The following POC1B variants were observed in gnomAD, a reference collection of about 807,000 sequenced individuals.
POC1B encodes POC1 centriolar protein homolog B.
POC1B carries 44 observed loss-of-function variants against 60.6 expected under a neutral mutation model. That is an observed-to-expected ratio of 0.73 (90% CI 0.57 to 0.93). The LOEUF (loss-of-function observed/expected upper bound fraction) is 0.93. Ranked by LOEUF, POC1B falls within the 40% of genes least tolerant of loss-of-function variation. POC1B has a pLI of 0.00. For missense variants in POC1B, 555 were observed against 572.3 expected (o/e 0.97, Z 0.31); for synonymous variants, 180 against 198.9 (o/e 0.90, Z 0.80).
chr12:89,425,343 C>T lies in POC1B; in HGVS notation c.1150G>A (p.Gly384Ser). 1 of 1,614,068 alleles carries T rather than the reference C, an allele frequency of 6.2e-7. No homozygotes were observed. Among genetic ancestry groups the T allele is most frequent in the Non-Finnish European group, 8.5e-7 (1 of 1,179,994 alleles). ...ETSGRTLPDK[G>S]EEACGYFLNP... ...AAGAAATATCCACAGGCCTCTTCAC[C>T]CTTGTCTGGCAGAGTCCTACCACTG... is the stretch of plus-strand genomic sequence containing the variant. The change falls in exon 11 of 12, where the codon GGT becomes AGT. Residue 384 changes from glycine to serine, a missense_variant. Coordinates refer to ENST00000313546, the MANE Select transcript of POC1B (RefSeq NM_172240.3).
chr12:89,426,039 T>C (rs1221354585), intron 10 of POC1B: 2 of 152,168 alleles, frequency 1.3e-5, no homozygotes, highest in African/African-American at 4.8e-5. Context: ...AAACATACAA[T>C]GAAATATAAT....
chr12:89,465,372 G>A (rs1201139995), intron 9 of POC1B, among the ~76,000 whole-genome samples: 1 of 152,136 alleles, frequency 6.6e-6, no homozygotes, highest in African/African-American at 2.4e-5. Flanking sequence ...GCAGTCTCGG[G>A]ATCAGCCTGC....
At chr12:89,417,471 A>G (rs530888875), downstream of POC1B, among the ~76,000 whole-genome samples, 65 of 152,346 alleles carry the variant, frequency 4.3e-4, no homozygotes, top group African/African-American at 1.4e-3. Context: ...CAGTTTGGCA[A>G]TGTCTGATTC....
At chr12:89,410,005 A>T in the POC1B span, among the ~76,000 whole-genome samples, 1 of 152,192 alleles carries the variant, frequency 6.6e-6, no homozygotes, top group African/African-American at 2.4e-5. Context: ...ACAACAAAAA[A>T]AGAAAATTTC....
At chr12:89,525,448 T>C in intron 1 of POC1B, 1 of 1,359,122 alleles carries the variant, frequency 7.4e-7, no homozygotes, top group Non-Finnish European at 9.4e-7. Context: ...CTTCCCAGAG[T>C]CCAGCGCATC....
chr12:89,469,177 T>C (rs182058955), intron 7 of POC1B, among the ~76,000 whole-genome samples: 48 of 152,204 alleles, frequency 3.2e-4, no homozygotes, highest in Admixed American at 1.5e-3. Context: ...GGAGAATCAC[T>C]TGAACCCAGG....
chr12:89,525,826 A>T, intron 1 of POC1B, 55 bp downstream of exon 1: 3 of 1,398,072 alleles, frequency 2.1e-6, no homozygotes, highest in Middle Eastern at 5.4e-4. Context: ...CTGGCCCCGC[A>T]GCCCGCGGGA....
At chr12:89,452,849 T>G (rs1882109590) in intron 10 of POC1B, among the ~76,000 whole-genome samples, 1 of 152,196 alleles carries the variant, frequency 6.6e-6, no homozygotes, top group South Asian at 2.1e-4. Flanking sequence ...TTTAGTTGTT[T>G]TATTTATTTT....
At chr12:89,402,174 C>T in the POC1B span, among the ~76,000 whole-genome samples, 2 of 152,172 alleles carry the variant, frequency 1.3e-5, no homozygotes, top group Non-Finnish European at 2.9e-5. Flanking sequence ...TCCCTTAAAA[C>T]ATTGCCCCAG....
At chr12:89,471,462 C>A in intron 6 of POC1B, 152 bp downstream of exon 6, 1 of 542,938 alleles carries the variant, frequency 1.8e-6, no homozygotes, top group Non-Finnish European at 3.2e-6. Flanking sequence ...TGAGACCCTG[C>A]TGTTGATGGG....
At chr12:89,493,843 A>T (rs1279278718) in intron 3 of POC1B, among the ~76,000 whole-genome samples, 1 of 152,194 alleles carries the variant, frequency 6.6e-6, no homozygotes, top group Non-Finnish European at 1.5e-5. Context: ...AACAGGAAAC[A>T]CAGAAGAAAC....
At chr12:89,522,119 A>G (rs1334439551) in intron 2 of POC1B, 2 of 398,924 alleles carry the variant, frequency 5.0e-6, no homozygotes, top group Non-Finnish European at 4.4e-6. Context: ...GTATTAATAT[A>G]TACATCAGTG....
rs562299287 is a variant in POC1B at position 89,491,910 on chromosome 12, C to G, written c.452+26G>C. ...TGAAGCAGAAAAAATATGTGGACAT[C>G]TTAATATGAAATTTTTTGCACTTAC... is the stretch of plus-strand genomic sequence containing the variant. On this transcript the variant is annotated intron_variant, in intron 4 of 11. Transcript: ENST00000313546. The G allele has an allele frequency of 1.3e-5, 19 of 1,453,164 alleles. No individual in the cohort carries two copies. In the South Asian group the frequency reaches 2.4e-4, roughly 18 times the overall value. The allele number at this position is 1,453,164 out of a possible 1,614,324, so 90.0% of individuals were successfully genotyped here. A position where few individuals can be genotyped will look rare whatever the true frequency, so the allele number is the denominator to read the frequency against.
At chr12:89,459,921 G>A in intron 9 of POC1B, 1 of 488,494 alleles carries the variant, frequency 2.0e-6, no homozygotes, top group Non-Finnish European at 3.6e-6. Context: ...ATTTTGGTAA[G>A]GTTGAATTCA....
chr12:89,463,658 A>T (rs1383166985), intron 9 of POC1B, among the ~76,000 whole-genome samples: 1 of 152,230 alleles, frequency 6.6e-6, no homozygotes, highest in African/African-American at 2.4e-5. Flanking sequence ...TGCCTAGGCC[A>T]GGAGTACTAC....
intron 3 of POC1B, 141 bp from the exon 4 acceptor site, chr12:89,492,256 G>T: frequency 1.5e-6 from 1 of 659,966 alleles, no homozygotes; most frequent in Non-Finnish European, 2.3e-6. Flanking sequence ...AGTATGAAAG[G>T]GCTATGTTGT....
chr12:89,452,956 G>A (rs941734991), intron 10 of POC1B, among the ~76,000 whole-genome samples: 1 of 152,200 alleles, frequency 6.6e-6, no homozygotes, highest in South Asian at 2.1e-4. Context: ...TACTTCAAAA[G>A]CAAGGATCCA....
At chr12:89,500,612 A>T in intron 2 of POC1B, 2 of 1,595,486 alleles carry the variant, frequency 1.3e-6, no homozygotes, top group East Asian at 2.2e-5. Flanking sequence ...GCAAAATGTT[A>T]TTCCATCTAG....
intron 9 of POC1B, among the ~76,000 whole-genome samples, chr12:89,463,150 C>A (rs1882539564): frequency 6.6e-6 from 1 of 151,800 alleles, no homozygotes; most frequent in South Asian, 2.1e-4. Context: ...GGACATTTTC[C>A]TTCCTGCTAA....
Sources: gnomAD v4.1 joint callset for allele counts (sites outside exome capture counted in the v4.1 genomes callset) on GRCh38, gnomAD v4.1.1 for gene constraint, MANE v1.5 for transcripts, NCBI Gene and HGNC (gene_info 2026-07-23, HGNC 2026-07-21) for gene names.